Variants in PKNOX2 observed in about 807,000 individuals in gnomAD.
PKNOX2 encodes the protein homeobox protein PKNOX2.
A neutral mutation model predicts 53.1 loss-of-function variants in PKNOX2; 14 were observed. The observed-to-expected ratio is 0.26, with a 90% confidence interval of 0.17 to 0.41. The LOEUF (loss-of-function observed/expected upper bound fraction) is 0.41, where lower values mean the gene tolerates loss of function less well. Among genes scored for constraint, PKNOX2 ranks in the 10% least tolerant of loss-of-function variants. The pLI, the probability that PKNOX2 is intolerant of heterozygous loss-of-function variation, is 1.00. For missense variants in PKNOX2, 496 were observed against 602.8 expected, an observed-to-expected ratio of 0.82 and a Z score of 1.85; for synonymous variants, 257 against 242.8, an observed-to-expected ratio of 1.06 and a Z score of -0.54.
intron 10 of PKNOX2, among the ~76,000 whole-genome samples, chr11:125,418,429 GC>G (rs1229753242): frequency 6.6e-6 from 1 of 151,976 alleles, no homozygotes; most frequent in East Asian, 1.9e-4. Context: ...ATGATTCTGT[GC>G]CTGTTGTTCT....
chr11:125,301,822 T>A, intron 2 of PKNOX2, among the ~76,000 whole-genome samples: 1 of 152,218 alleles, frequency 6.6e-6, no homozygotes, highest in South Asian at 2.1e-4. Flanking sequence ...ATCTTTCTAA[T>A]TCTCCCTTTC....
chr11:125,195,169 G>A lies in PKNOX2; in HGVS notation c.-201+30393G>A, dbSNP rs75042107. On this transcript the variant is annotated intron_variant, in intron 1 of 12. Transcript: ENST00000298282. ...TTCAAGGAGGGCATTCATTATGACC[G>A]TGTTTTAATTGTACCCCACCTAAAC... Among the ~76,000 whole-genome samples, 1,356 of 152,198 alleles carry A rather than the reference G, an allele frequency of 8.9e-3. 26 individuals carry two copies. The highest frequency in any genetic ancestry group is 0.089 in the East Asian group (459 of 5,172).
chr11:125,183,198 C>CTTTTT (rs10676031), intron 1 of PKNOX2, among the ~76,000 whole-genome samples: 2 of 85,856 alleles, frequency 2.3e-5, no homozygotes, highest in African/African-American at 6.0e-5. Flanking sequence ...GCGATGAATC[C>CTTTTT]TTTTTTTTTT....
Position 125,231,710 on chromosome 11 carries a change from G to GGTGTGTGTGGGGGGTGTGT in PKNOX2, c.-200-3325_-200-3307dup, listed in dbSNP as rs1555123459. On this transcript the variant is annotated intron_variant, in intron 1 of 12. Transcript: ENST00000298282. ...GAGATTGCATGTGCTTACACACACA[G>GGTGTGTGTGGGGGGTGTGT]GTGTGTGTGGGGGGTGTGTGTGTGT... is the stretch of plus-strand genomic sequence containing the variant. 2.0e-5 allele frequency among the ~76,000 whole-genome samples: 3 copies of GGTGTGTGTGGGGGGTGTGT among 151,750 alleles called. No homozygotes were observed. The East Asian group carries it at 5.8e-4, about 29-fold the overall frequency.
intron 1 of PKNOX2, among the ~76,000 whole-genome samples, chr11:125,172,462 A>C (rs931109288): frequency 6.6e-6 from 1 of 152,192 alleles, no homozygotes; most frequent in African/African-American, 2.4e-5. Context: ...CTTCCATCTC[A>C]GGAACCATGA....
intron 2 of PKNOX2, among the ~76,000 whole-genome samples, chr11:125,243,075 T>C (rs930552764): frequency 6.6e-6 from 1 of 152,248 alleles, no homozygotes; most frequent in Non-Finnish European, 1.5e-5. Flanking sequence ...AAAAGAGATA[T>C]GTGAAAGTGT....
intron 1 of PKNOX2, among the ~76,000 whole-genome samples, chr11:125,220,853 A>G (rs1266952671): frequency 6.6e-6 from 1 of 152,162 alleles, no homozygotes; most frequent in Non-Finnish European, 1.5e-5. Context: ...TACATTCGCC[A>G]CTGGGTCAGT....
At position 125,281,259 on chromosome 11, in the gene PKNOX2, G is replaced by A. The variant is rs182590808; in HGVS notation, c.-130+46144G>A. Among the ~76,000 whole-genome samples the A allele has an allele frequency of 1.1e-3, 172 of 152,314 alleles. 1 individual carries two copies. The highest frequency in any genetic ancestry group is 5.8e-4 in the East Asian group (3 of 5,186). Reference sequence around the variant, plus strand: ...TGGAACGTATATGCGTGGTATGGCCGTGTGTAGAGAAGGCCCAGCTAACAA... The same window carrying A: ...TGGAACGTATATGCGTGGTATGGCCATGTGTAGAGAAGGCCCAGCTAACAA... On this transcript the variant is annotated intron_variant, in intron 2 of 12. Transcript: ENST00000298282.
chr11:125,272,678 G>C (rs1825853258), intron 2 of PKNOX2, among the ~76,000 whole-genome samples: 1 of 152,140 alleles, frequency 6.6e-6, no homozygotes, highest in African/African-American at 2.4e-5. Context: ...AGGGCACAGG[G>C]ACAGCTCTCC....
chr11:125,383,328 G>A (rs539864094), intron 5 of PKNOX2, among the ~76,000 whole-genome samples: 5 of 152,006 alleles, frequency 3.3e-5, no homozygotes, highest in South Asian at 2.1e-4. Context: ...TTGTGTTCTC[G>A]GTAGGACGTG....
chr11:125,232,497 T>G (rs945214741), intron 1 of PKNOX2, among the ~76,000 whole-genome samples: 2 of 152,214 alleles, frequency 1.3e-5, no homozygotes, highest in Non-Finnish European at 2.9e-5. Flanking sequence ...TTAAGTAACT[T>G]GCCCATGGTC....
At chr11:125,351,528 C>G in intron 4 of PKNOX2, 136 bp downstream of exon 4, 1 of 633,574 alleles carries the variant, frequency 1.6e-6, no homozygotes, top group East Asian at 2.7e-5. Flanking sequence ...TGGTGGCACT[C>G]CGGGCTCTTT....
In PKNOX2 at chr11:125,281,691, C is replaced by CTT. The variant is rs1037242149; in HGVS notation, c.-130+46576_-130+46577insTT. Among the ~76,000 whole-genome samples, 23 of 152,260 alleles carry CTT rather than the reference C, an allele frequency of 1.5e-4. No individual in the cohort carries two copies. In the East Asian group the frequency reaches 3.3e-3, roughly 22 times the overall value. ...AACATGACTTTTGTACAAAACAAACCATGTGTTTCCTTTCCTGTAAAATCC... is the reference window on the plus strand; with the variant it reads ...AACATGACTTTTGTACAAAACAAACCTTATGTGTTTCCTTTCCTGTAAAATCC... On this transcript the variant is annotated intron_variant, in intron 2 of 12. Coordinates refer to ENST00000298282, the MANE Select transcript of PKNOX2 (RefSeq NM_001382323.2).
chr11:125,409,593 G>C (rs1355929563), intron 7 of PKNOX2, among the ~76,000 whole-genome samples: 1 of 152,180 alleles, frequency 6.6e-6, no homozygotes, highest in Non-Finnish European at 1.5e-5. Flanking sequence ...ACAAAGGTGA[G>C]AGCTGGAGGC....
chr11:125,189,302 G>A lies in PKNOX2; in HGVS notation c.-201+24526G>A, dbSNP rs1281134853. On this transcript the variant is annotated intron_variant, in intron 1 of 12. Transcript: ENST00000298282. Reference sequence around the variant, plus strand: ...TGATGAGACTTTCTGGGCTGCAGATGGCCCAGGGGATAGGAACAAGCCCAC... The same window carrying A: ...TGATGAGACTTTCTGGGCTGCAGATAGCCCAGGGGATAGGAACAAGCCCAC... Among the ~76,000 whole-genome samples the A allele has an allele frequency of 2.0e-5, 3 of 147,488 alleles. No homozygotes were observed. The Admixed American group carries it at 2.0e-4, about 10-fold the overall frequency.
At chr11:125,192,951 G>C (rs2135357208) in intron 1 of PKNOX2, among the ~76,000 whole-genome samples, 1 of 152,336 alleles carries the variant, frequency 6.6e-6, no homozygotes, top group Non-Finnish European at 1.5e-5. Flanking sequence ...TGACCTGAAG[G>C]CAGTCCTGGG....
At chr11:125,248,784 A>G (rs1241435233) in intron 2 of PKNOX2, among the ~76,000 whole-genome samples, 1 of 147,792 alleles carries the variant, frequency 6.8e-6, no homozygotes, top group African/African-American at 2.5e-5. Flanking sequence ...TGTGTCCTAT[A>G]TGATGGGTCT....
intron 1 of PKNOX2, among the ~76,000 whole-genome samples, chr11:125,191,838 C>A (rs1387995862): frequency 1.3e-5 from 2 of 152,188 alleles, no homozygotes; most frequent in Non-Finnish European, 2.9e-5. Flanking sequence ...TCCTTTTCAA[C>A]TTTAATAAGG....
At chr11:125,416,756 A>G (rs1461720912) in intron 10 of PKNOX2, among the ~76,000 whole-genome samples, 1 of 152,070 alleles carries the variant, frequency 6.6e-6, no homozygotes, top group Non-Finnish European at 1.5e-5. Context: ...TAATCCACAA[A>G]CTTTGCTAAA....
Sources: gnomAD v4.1 joint callset for allele counts (sites outside exome capture counted in the v4.1 genomes callset) on GRCh38, gnomAD v4.1.1 for gene constraint, MANE v1.5 for transcripts, NCBI Gene and HGNC (gene_info 2026-07-23, HGNC 2026-07-21) for gene names.